Variants in DIDO1 observed in about 807,000 individuals in gnomAD.
DIDO1 encodes the protein death-inducer obliterator 1.
Under a neutral mutation model 99.4 loss-of-function variants are expected in DIDO1, and 16 were observed. That is an observed-to-expected ratio of 0.16 (90% CI 0.11 to 0.24). The LOEUF is 0.24. DIDO1 is among the 10% of genes least tolerant of loss of function. The probability of loss-of-function intolerance (pLI) is 1.00; values close to 1 mark genes in which losing one functional copy is unlikely to be tolerated. For missense variants in DIDO1, 2,996 were observed against 3,014.0 expected (o/e 0.99, Z 0.14); for synonymous variants, 1,366 against 1,239.1 (o/e 1.10, Z -2.15).
rs1483291782 is a variant in DIDO1, at chr20:62,909,871, G to A, written c.989C>T (p.Ser330Leu). 8 of 1,614,044 alleles carry A rather than the reference G, an allele frequency of 5.0e-6. No individual in the cohort carries two copies. The African/African-American group carries it at 9.3e-5, about 19-fold the overall frequency. ...AGCTTCCTGCTGATCTGCCGTTTCT[G>A]AATGAGTCTCATCCTGCACTTGCAG... is the stretch of plus-strand genomic sequence containing the variant. Reference protein sequence around the residue: ...TILQVQDETHSETADQQEAKW... With the variant: ...TILQVQDETHLETADQQEAKW... Residue 330 changes from serine (S) to leucine (L), a missense_variant, in exon 4 of 16, where the codon TCA (serine) becomes TTA (leucine). This residue lies in a region of DIDO1 where 898 missense variants were observed against 972.7 expected (regional missense o/e 0.92). Coordinates refer to ENST00000395343, the MANE Select transcript of DIDO1 (RefSeq NM_001193369.2).
chr20:62,921,512 C>T (rs118053335), intron 1 of DIDO1, among the ~76,000 whole-genome samples: 2,739 of 152,270 alleles, frequency 0.018, 32 homozygotes, highest in Non-Finnish European at 0.029. Flanking sequence ...TGATTACTGA[C>T]CAGGCAGGGA....
At chr20:62,907,050 C>T in intron 5 of DIDO1, 97 bp downstream of exon 5, 3 of 1,314,742 alleles carry the variant, frequency 2.3e-6, no homozygotes, top group Non-Finnish European at 2.2e-6. Flanking sequence ...CCCCCTACAC[C>T]TGCCACCCCC....
rs2064376445 is a variant in DIDO1, at chr20:62,890,586, TGTGCTGGCTCCC to T, written c.3541+362_3541+373del. The T allele has an allele frequency of 2.9e-6, 3 of 1,042,740 alleles. No individual in the cohort carries two copies. In the Admixed American group the frequency reaches 1.5e-4, roughly 53 times the overall value. The allele number at this position is 1,042,740 out of a possible 1,614,324, so 64.6% of individuals were successfully genotyped here. ...TCCCTGATGGAGCCACTTCCCGGTG[TGTGCTGGCTCCC>T]GAGTCTGTCTAGAGGAAAGAGCAGG... On this transcript the variant is annotated intron_variant, in intron 15 of 15. Transcript: ENST00000395343.
At chr20:62,922,087 CTATA>C (rs535513952) in intron 1 of DIDO1, among the ~76,000 whole-genome samples, 4 of 139,064 alleles carry the variant, frequency 2.9e-5, no homozygotes, top group East Asian at 4.1e-4. Flanking sequence ...TATATACACA[CTATA>C]TATACACACT....
In DIDO1 at chr20:62,887,778, C is replaced by G. The variant is rs888916870; in HGVS notation, c.3541+3182G>C. 6 of 985,380 alleles carry G rather than the reference C, an allele frequency of 6.1e-6. No individual in the cohort carries two copies. The Admixed American group carries it at 2.5e-4, about 40-fold the overall frequency. 61.0% of individuals were successfully genotyped at this position (985,380 alleles called of 1,614,324 possible). On this transcript the variant is annotated intron_variant, in intron 15 of 15. Coordinates refer to ENST00000395343, the MANE Select transcript of DIDO1 (RefSeq NM_001193369.2). ...GAGACAGGCCGGGACTCTGCGACCCCAAGTCCCTGCGGGGGGCCCTGTTGG... is the reference window on the plus strand; with the variant it reads ...GAGACAGGCCGGGACTCTGCGACCCGAAGTCCCTGCGGGGGGCCCTGTTGG...
chr20:62,932,372 T>C (rs2065340325), intron 1 of DIDO1, among the ~76,000 whole-genome samples: 1 of 152,238 alleles, frequency 6.6e-6, no homozygotes, highest in African/African-American at 2.4e-5. Context: ...GCTGCATGCA[T>C]ACAAATAACT....
At position 62,896,124 on chromosome 20, in the gene DIDO1, G is replaced by GGA; in HGVS notation, c.2214+108_2214+109insTC. 8.3e-7 allele frequency: 1 copy of GGA among 1,199,842 alleles called. No individual in the cohort carries two copies. Among genetic ancestry groups the GGA allele is most frequent in the Non-Finnish European group, 1.2e-6 (1 of 855,388 alleles). The allele number at this position is 1,199,842 out of a possible 1,614,324, so 74.3% of individuals were successfully genotyped here. A position where few individuals can be genotyped will look rare whatever the true frequency, so the allele number is the denominator to read the frequency against. On this transcript the variant is annotated intron_variant, in intron 8 of 15. Coordinates refer to ENST00000395343, the MANE Select transcript of DIDO1 (RefSeq NM_001193369.2). This position sits in a 1 kb window ranked among gnomAD's most constrained non-coding sequence, Gnocchi z 4.4. ...GAAGGATCACAGAGGAGAAAGAAAC[G>GGA]TCTTAGCTTTCCTGGAAAGGACACG... is the stretch of plus-strand genomic sequence containing the variant.
chr20:62,905,093 T>A (rs901923698), intron 6 of DIDO1: 1 of 994,554 alleles, frequency 1.0e-6, no homozygotes. Context: ...AAAGATCTGT[T>A]TGAAATATCT....
intron 1 of DIDO1, among the ~76,000 whole-genome samples, chr20:62,932,320 TA>T: frequency 6.6e-6 from 1 of 152,342 alleles, no homozygotes; most frequent in Non-Finnish European, 1.5e-5. Flanking sequence ...TAGGAACTCT[TA>T]TTTCTACTTC....
At chr20:62,892,758 GA>G in intron 13 of DIDO1, 50 bp downstream of exon 13, 1 of 1,560,362 alleles carries the variant, frequency 6.4e-7, no homozygotes, top group South Asian at 1.2e-5. Context: ...CTCTAGTTTA[GA>G]AACTCCTATG....
At chr20:62,921,824 ATATATATATAC>A (rs1231916322) in intron 1 of DIDO1, among the ~76,000 whole-genome samples, 1 of 150,340 alleles carries the variant, frequency 6.7e-6, no homozygotes, top group Non-Finnish European at 1.5e-5. Context: ...TATATCCACA[ATATATATATAC>A]TATATATATC....
intron 1 of DIDO1, among the ~76,000 whole-genome samples, chr20:62,926,064 G>C (rs557074948): frequency 6.6e-6 from 1 of 152,198 alleles, no homozygotes; most frequent in East Asian, 1.9e-4. Context: ...CAGCCCCCGA[G>C]CCCCGGGCCG....
chr20:62,889,156 T>C (rs2064348807), intron 15 of DIDO1: 3 of 985,358 alleles, frequency 3.0e-6, no homozygotes, highest in Admixed American at 1.2e-4. Flanking sequence ...ACAAGGTGAG[T>C]GACCCCAGCC....
chr20:62,893,892 T>C lies in DIDO1; in HGVS notation c.2875A>G (p.Thr959Ala). ...TCCCGGCCGGACACTGTGACGGTGG[T>C]GACCACCCCGCTCCCACAGGAGGCT... ...CPASCGSGVV[T>A]TVTVSGRDPR... The change falls in exon 12 of 16, where the codon ACC becomes GCC. Residue 959 changes from threonine (T) to alanine (A), a missense_variant. By Grantham distance (58) the Thr-to-Ala change is moderately conservative. Transcript: ENST00000395343. 6.2e-7 allele frequency: 1 copy of C among 1,611,088 alleles called. No homozygotes were observed. The highest frequency in any genetic ancestry group is 8.5e-7 in the Non-Finnish European group (1 of 1,177,718).
chr20:62,906,124 A>T (rs76736985), intron 5 of DIDO1, 24 bp from the exon 6 acceptor site: 1 of 1,592,780 alleles, frequency 6.3e-7, no homozygotes. Context: ...AAAACCCCAA[A>T]TCATTAAAAA....
chr20:62,895,163 T>G lies in DIDO1; in HGVS notation c.2217A>C (p.Gly739=), dbSNP rs781032813. 1.3e-5 allele frequency: 21 copies of G among 1,603,596 alleles called. No homozygotes were observed. The highest frequency in any genetic ancestry group is 1.7e-5 in the Non-Finnish European group (20 of 1,171,402). ...MFNLKDPKNQ[G]LFHRVLREEI... Reference sequence around the variant, plus strand: ...CCTCACGCAGAACACGATGGAAGAGTCCCTATAAACAAGTATTTTTCATTT... The same window carrying G: ...CCTCACGCAGAACACGATGGAAGAGGCCCTATAAACAAGTATTTTTCATTT... The change falls in exon 9 of 16, where the codon GGA becomes GGC. Residue 739 remains glycine (G), a splice_region_variant and synonymous_variant. Coordinates refer to ENST00000395343, the MANE Select transcript of DIDO1 (RefSeq NM_001193369.2).
chr20:62,901,169 T>C (rs2147446144), intron 6 of DIDO1, among the ~76,000 whole-genome samples: 1 of 152,280 alleles, frequency 6.6e-6, no homozygotes, highest in Middle Eastern at 3.4e-3. Context: ...GCAGACTACA[T>C]CGCAGACGCT....
At position 62,894,769 on chromosome 20, in the gene DIDO1, T is replaced by C. The variant is rs962287225; in HGVS notation, c.2436+41A>G. The C allele has an allele frequency of 1.3e-6, 2 of 1,575,804 alleles. No individual in the cohort carries two copies. Among genetic ancestry groups the C allele is most frequent in the Non-Finnish European group, 1.7e-6 (2 of 1,156,496 alleles). ...TAACCTCAAAACATTTGGGATGGAT[T>C]AGTCTATTCTCGGTGAACACAAAAT... On this transcript the variant is annotated intron_variant, in intron 10 of 15. Coordinates refer to ENST00000395343, the MANE Select transcript of DIDO1 (RefSeq NM_001193369.2). This position sits in a 1 kb window ranked among gnomAD's most constrained non-coding sequence, Gnocchi z 4.4.
At position 62,896,677 on chromosome 20, in the gene DIDO1, T is replaced by C. The variant is rs1298683005; in HGVS notation, c.1908A>G (p.Gly636=). The change falls in exon 7 of 16, where the codon GGA becomes GGG. Residue 636 remains glycine (G), a synonymous_variant. Coordinates refer to ENST00000395343, the MANE Select transcript of DIDO1 (RefSeq NM_001193369.2). The surrounding 1 kb of genome is among the most constrained non-coding windows in gnomAD (Gnocchi z 4.4). ...KKFPGSAALV[G]AVRKPVVPSV... ...AAGGTACCACTGGCTTCCTTACGGC[T>C]CCCACCAAAGCAGCGGAGCCAGGGA... is the stretch of plus-strand genomic sequence containing the variant. 6.2e-7 allele frequency: 1 copy of C among 1,613,824 alleles called. No individual in the cohort carries two copies.
Sources: gnomAD v4.1 joint callset for allele counts (sites outside exome capture counted in the v4.1 genomes callset) on GRCh38, gnomAD v4.1.1 for gene constraint, gnomAD v4.1.1 regional missense constraint, Gnocchi (gnomAD v3.1) non-coding constraint, MANE v1.5 for transcripts, NCBI Gene and HGNC (gene_info 2026-07-23, HGNC 2026-07-21) for gene names.